Variants in OR8B3 observed in about 807,000 individuals in gnomAD.
OR8B3 encodes olfactory receptor family 8 subfamily B member 3.
For synonymous variants in OR8B3, 102 were observed against 135.4 expected (o/e 0.75, Z 1.71); for missense variants, 278 against 377.6 (o/e 0.74, Z 2.19).
At chr11:124,406,271 C>A in the OR8B3 span, among the ~76,000 whole-genome samples, 1 of 152,092 alleles carries the variant, frequency 6.6e-6, no homozygotes, top group Non-Finnish European at 1.5e-5. Context: ...TTGTTTCCTC[C>A]TCTGTAAAAT....
Position 124,397,224 on chromosome 11 carries a change from A to G in OR8B3, c.128T>C (p.Leu43Pro), listed in dbSNP as rs549459614. The part of the protein sequence containing the change: ...VVYIVTMVGN[L>P]GLIILFGLNS... ...TAGACCGAAAAGAATGATCAAGCCA[A>G]GGTTGCCTACCATGGTGACAATGTA... Residue 43 changes from leucine to proline, a missense_variant, in exon 2 of 2, where the codon CTT becomes CCT. Transcript: ENST00000641139. 3.1e-6 allele frequency: 5 copies of G among 1,608,948 alleles called. No homozygotes were observed. In the African/African-American group the frequency reaches 5.6e-5, roughly 18 times the overall value.
At chr11:124,408,302 T>C in the OR8B3 span, among the ~76,000 whole-genome samples, 1 of 152,244 alleles carries the variant, frequency 6.6e-6, no homozygotes, top group African/African-American at 2.4e-5. Flanking sequence ...AGCTAGGCTC[T>C]TCACCAAACA....
At chr11:124,402,596 G>A (rs977026041), upstream of OR8B3, among the ~76,000 whole-genome samples, 12 of 152,184 alleles carry the variant, frequency 7.9e-5, no homozygotes, top group Non-Finnish European at 1.5e-5. Flanking sequence ...TGTAGTCATG[G>A]ATGCTGCAAA....
upstream of OR8B3, among the ~76,000 whole-genome samples, chr11:124,402,112 T>C (rs771982400): frequency 1.9e-4 from 29 of 152,226 alleles, no homozygotes; most frequent in Non-Finnish European, 1.2e-4. Context: ...CTGTAGCCTC[T>C]GTGCCTTTTG....
At position 124,396,859 on chromosome 11, in the gene OR8B3, T is replaced by G; in HGVS notation, c.493A>C (p.Arg165=). 6.2e-7 allele frequency: 1 copy of G among 1,609,778 alleles called. No individual in the cohort carries two copies. The highest frequency in any genetic ancestry group is 8.5e-7 in the Non-Finnish European group (1 of 1,177,474). Residue 165 remains arginine (R), a synonymous_variant, in exon 2 of 2, where the codon AGA becomes CGA. Coordinates refer to ENST00000641139, the MANE Select transcript of OR8B3 (RefSeq NM_001005467.2). ...ATATTAGCACTGCAGAAGGTGAGTC[T>G]AAGCATGCACCCGGTGTGGGCCGTG... ...GATAHTGCML[R]LTFCSANIIN...
Position 124,396,825 on chromosome 11 carries a change from T to C in OR8B3, c.527A>G (p.His176Arg), listed in dbSNP as rs759625625. 1.2e-6 allele frequency: 2 copies of C among 1,611,336 alleles called. No individual in the cohort carries two copies. The highest frequency in any genetic ancestry group is 8.5e-7 in the Non-Finnish European group (1 of 1,178,304). Residue 176 changes from histidine to arginine, a missense_variant, in exon 2 of 2, where the codon CAT becomes CGT. His to Arg is a conservative substitution (Grantham distance 29, BLOSUM62 0). Coordinates refer to ENST00000641139, the MANE Select transcript of OR8B3 (RefSeq NM_001005467.2). ...LTFCSANIIN[H>R]YLCDILPLLQ... ...GAGGGGGAGTATGTCACACAAGTAA[T>C]GGTTGATGATATTAGCACTGCAGAA...
rs533122638 is a variant in OR8B3, at chr11:124,396,313, A to C, written c.*97T>G. The C allele has an allele frequency of 1.9e-6, 2 of 1,040,014 alleles. No individual in the cohort carries two copies. Among genetic ancestry groups the C allele is most frequent in the Non-Finnish European group, 2.7e-6 (2 of 727,534 alleles). 64.4% of individuals were successfully genotyped at this position (1,040,014 alleles called of 1,614,324 possible). On this transcript the variant is annotated 3_prime_UTR_variant, in exon 2 of 2. Transcript: ENST00000641139. ...TGATAAGACAAGTTTATTAAATCAC[A>C]CATAACACCATCTGTAGAAACAACA... is the stretch of plus-strand genomic sequence containing the variant.
chr11:124,407,314 G>A, the OR8B3 span, among the ~76,000 whole-genome samples: 1 of 152,016 alleles, frequency 6.6e-6, no homozygotes, highest in African/African-American at 2.4e-5. Flanking sequence ...CTGTTTTCCT[G>A]TTTCTTCATT....
At chr11:124,406,601 G>C in the OR8B3 span, among the ~76,000 whole-genome samples, 25,202 of 151,872 alleles carry the variant, frequency 0.17, 2,402 homozygotes, top group African/African-American at 0.27. Flanking sequence ...TTAAGCATCT[G>C]CTCCTCACTC....
At chr11:124,406,999 T>G in the OR8B3 span, among the ~76,000 whole-genome samples, 1 of 152,198 alleles carries the variant, frequency 6.6e-6, no homozygotes, top group Non-Finnish European at 1.5e-5. Flanking sequence ...CAAATGTTTT[T>G]GGGGGCTCTC....
chr11:124,409,116 A>G, the OR8B3 span, among the ~76,000 whole-genome samples: 14 of 152,188 alleles, frequency 9.2e-5, no homozygotes, highest in Non-Finnish European at 1.8e-4. Flanking sequence ...GGACTTTCCC[A>G]TTAAATGAAC....
chr11:124,408,296 A>G, the OR8B3 span, among the ~76,000 whole-genome samples: 1 of 152,206 alleles, frequency 6.6e-6, no homozygotes, highest in Non-Finnish European at 1.5e-5. Context: ...TCAACAAGCT[A>G]GGCTCTTCAC....
chr11:124,408,365 C>G, the OR8B3 span, among the ~76,000 whole-genome samples: 1 of 152,166 alleles, frequency 6.6e-6, no homozygotes, highest in African/African-American at 2.4e-5. Flanking sequence ...GGAAAGTACT[C>G]AGTCTTCAAC....
chr11:124,403,368 C>T (rs544917763), upstream of OR8B3, among the ~76,000 whole-genome samples: 367 of 151,816 alleles, frequency 2.4e-3, 3 homozygotes, highest in African/African-American at 8.5e-3. Flanking sequence ...GGGCGGCTGC[C>T]GGGCGGAGGG....
chr11:124,405,798 C>T, the OR8B3 span, among the ~76,000 whole-genome samples: 3 of 152,352 alleles, frequency 2.0e-5, no homozygotes, highest in East Asian at 1.9e-4. Context: ...TTGCAATTTC[C>T]TCTAAAGTTG....
At chr11:124,407,874 A>T in the OR8B3 span, among the ~76,000 whole-genome samples, 1 of 152,190 alleles carries the variant, frequency 6.6e-6, no homozygotes, top group East Asian at 1.9e-4. Context: ...AAATCTACAG[A>T]TCTAATAGAC....
chr11:124,396,382 A>C lies in OR8B3; in HGVS notation c.*28T>G. 6.4e-7 allele frequency: 1 copy of C among 1,554,072 alleles called. No homozygotes were observed. Among genetic ancestry groups the C allele is most frequent in the East Asian group, 2.3e-5 (1 of 44,360 alleles). On this transcript the variant is annotated 3_prime_UTR_variant, in exon 2 of 2. Transcript: ENST00000641139. ...CACTAATAAAAATTTAAAGTTCTTC[A>C]ATCGTTTTACATTATTACTGCTTCT... is the stretch of plus-strand genomic sequence containing the variant.
In OR8B3 at chr11:124,396,884, G is replaced by A. The variant is rs1339732308; in HGVS notation, c.468C>T (p.Ala156=). 2 of 1,605,828 alleles carry A rather than the reference G, an allele frequency of 1.2e-6. No individual in the cohort carries two copies. The highest frequency in any genetic ancestry group is 1.3e-5 in the African/African-American group (1 of 74,412). ...TAAGCATGCACCCGGTGTGGGCCGT[G>A]GCTCCAGCCAATCCCATTATGTAAG... is the stretch of plus-strand genomic sequence containing the variant. ...FAAYIMGLAG[A]TAHTGCMLRL... Residue 156 remains alanine (A), a synonymous_variant, in exon 2 of 2, where the codon GCC becomes GCT. Coordinates refer to ENST00000641139, the MANE Select transcript of OR8B3 (RefSeq NM_001005467.2).
the OR8B3 span, among the ~76,000 whole-genome samples, chr11:124,409,416 AC>A: frequency 6.6e-6 from 1 of 152,244 alleles, no homozygotes. Flanking sequence ...AAACAGAGAT[AC>A]TTGTGTAGAG....
Sources: allele counts gnomAD v4.1 joint callset (sites outside exome capture counted in the v4.1 genomes callset), GRCh38; gene constraint gnomAD v4.1.1; transcripts MANE v1.5; gene names NCBI Gene and HGNC (gene_info 2026-07-23, HGNC 2026-07-21).